Variants in SCHIP1 observed in about 807,000 individuals in gnomAD.
The protein encoded by SCHIP1 is schwannomin interacting protein 1, also known as schwannomin-interacting protein 1.
Under a neutral mutation model 29.7 loss-of-function variants are expected in SCHIP1, and 8 were observed. The observed-to-expected ratio is 0.27, with a 90% confidence interval of 0.16 to 0.49. The LOEUF (loss-of-function observed/expected upper bound fraction) is 0.49. Among genes scored for constraint, SCHIP1 ranks in the 20% least tolerant of loss-of-function variants. The pLI, the probability that SCHIP1 is intolerant of heterozygous loss-of-function variation, is 0.99. For missense variants in SCHIP1, 193 were observed against 294.6 expected, an observed-to-expected ratio of 0.66 and a Z score of 2.52; for synonymous variants, 76 against 94.9, an observed-to-expected ratio of 0.80 and a Z score of 1.16.
chr3:159,870,382 G>T (rs1029177843), intron 2 of SCHIP1, among the ~76,000 whole-genome samples: 3 of 151,896 alleles, frequency 2.0e-5, no homozygotes, highest in African/African-American at 4.8e-5. Context: ...CTCTTTATGA[G>T]ATGATGTTCC....
the SCHIP1 span, chr3:159,764,363 G>A: frequency 6.7e-7 from 1 of 1,492,720 alleles, no homozygotes; most frequent in South Asian, 1.4e-5. This position sits in a 1 kb window ranked among gnomAD's most constrained non-coding sequence, Gnocchi z 6.1. Context: ...GCGGGGCACT[G>A]AGCCGGGGCA....
chr3:159,888,953 A>C lies in SCHIP1; in HGVS notation c.589+10A>C, dbSNP rs1717218606. On this transcript the variant is annotated intron_variant, in intron 5 of 6. Coordinates refer to ENST00000445224, the Ensembl canonical transcript of SCHIP1. The stretch of plus-strand genomic sequence containing the variant: ...CATTCCCAGATAGAAAGTAAGTGTA[A>C]GATATGCTTGAAAATAGGATATTCA... 6 of 1,612,962 alleles carry C rather than the reference A, an allele frequency of 3.7e-6. No homozygotes were observed. In the East Asian group the frequency reaches 1.3e-4, roughly 36 times the overall value.
chr3:159,765,074 C>G, the SCHIP1 span: 8 of 1,568,086 alleles, frequency 5.1e-6, no homozygotes, highest in Admixed American at 1.9e-5. Context: ...AAGCATCTGG[C>G]CGGGCTGCAG....
chr3:159,459,405 T>C, the SCHIP1 span, among the ~76,000 whole-genome samples: 1 of 152,186 alleles, frequency 6.6e-6, no homozygotes, highest in African/African-American at 2.4e-5. Context: ...AATCAGCCTT[T>C]ATTCATTTGA....
At chr3:159,698,593 A>G in the SCHIP1 span, among the ~76,000 whole-genome samples, 1 of 151,874 alleles carries the variant, frequency 6.6e-6, no homozygotes, top group Non-Finnish European at 1.5e-5. Context: ...ATTTGTCTCA[A>G]CTGTAAAATG....
At chr3:159,496,818 C>T in the SCHIP1 span, among the ~76,000 whole-genome samples, 16 of 152,046 alleles carry the variant, frequency 1.1e-4, no homozygotes, top group African/African-American at 2.4e-4. Flanking sequence ...ATGTTTATTG[C>T]GGCACTATTC....
chr3:159,841,623 T>G (rs1374683163), intron 1 of SCHIP1, among the ~76,000 whole-genome samples: 2 of 152,192 alleles, frequency 1.3e-5, no homozygotes, highest in Non-Finnish European at 1.5e-5. Context: ...CATATGTCTT[T>G]TCATTAGGTT....
At chr3:159,531,470 CT>C in the SCHIP1 span, among the ~76,000 whole-genome samples, 1 of 152,194 alleles carries the variant, frequency 6.6e-6, no homozygotes, top group Non-Finnish European at 1.5e-5. Flanking sequence ...AACGCTATCT[CT>C]TTTCTCCTTT....
the SCHIP1 span, among the ~76,000 whole-genome samples, chr3:159,323,098 T>C: frequency 1.3e-5 from 2 of 152,228 alleles, no homozygotes; most frequent in African/African-American, 2.4e-5. Context: ...AAGATTGGCA[T>C]TAAAATTATT....
the SCHIP1 span, among the ~76,000 whole-genome samples, chr3:159,607,279 AC>A: frequency 1.3e-5 from 2 of 152,126 alleles, no homozygotes; most frequent in East Asian, 3.8e-4. Context: ...TTGTTTACAC[AC>A]CTTATCTTCT....
the SCHIP1 span, among the ~76,000 whole-genome samples, chr3:159,628,416 A>G: frequency 6.6e-6 from 1 of 152,226 alleles, no homozygotes; most frequent in Non-Finnish European, 1.5e-5. Context: ...CATGCCAAGA[A>G]CTAGGACCAA....
At chr3:159,728,017 A>T in the SCHIP1 span, among the ~76,000 whole-genome samples, 877 of 102,352 alleles carry the variant, frequency 8.6e-3, 10 homozygotes, top group East Asian at 0.043. Flanking sequence ...TTTTTTTTTT[A>T]AAAAGGCAAT....
At chr3:159,835,053 C>A (rs1232682896), upstream of SCHIP1, among the ~76,000 whole-genome samples, 1 of 152,070 alleles carries the variant, frequency 6.6e-6, no homozygotes, top group Non-Finnish European at 1.5e-5. Flanking sequence ...TCTTTCATTG[C>A]CCAGTAAAGA....
the SCHIP1 span, among the ~76,000 whole-genome samples, chr3:159,323,663 G>T: frequency 5.3e-5 from 8 of 152,292 alleles, no homozygotes; most frequent in South Asian, 1.7e-3. Flanking sequence ...TGGAAATAAA[G>T]ACCAACCAAA....
At chr3:159,793,118 C>T in the SCHIP1 span, among the ~76,000 whole-genome samples, 1 of 152,118 alleles carries the variant, frequency 6.6e-6, no homozygotes, top group African/African-American at 2.4e-5. Context: ...TCTTAGCCCT[C>T]GCCATGTATC....
At chr3:159,309,682 A>G in the SCHIP1 span, among the ~76,000 whole-genome samples, 1 of 152,144 alleles carries the variant, frequency 6.6e-6, no homozygotes, top group Non-Finnish European at 1.5e-5. Context: ...TAAAATTTTT[A>G]AAGATGAATT....
chr3:159,702,730 A>G, the SCHIP1 span, among the ~76,000 whole-genome samples: 1 of 152,246 alleles, frequency 6.6e-6, no homozygotes, highest in African/African-American at 2.4e-5. Flanking sequence ...TGAGTGAAGC[A>G]TTTGAAACAG....
the SCHIP1 span, among the ~76,000 whole-genome samples, chr3:159,584,261 A>T: frequency 6.6e-6 from 1 of 152,184 alleles, no homozygotes; most frequent in Non-Finnish European, 1.5e-5. Context: ...ATGAGGATAC[A>T]CTGCGGAACT....
the SCHIP1 span, among the ~76,000 whole-genome samples, chr3:159,643,721 T>C: frequency 6.6e-6 from 1 of 152,136 alleles, no homozygotes; most frequent in South Asian, 2.1e-4. Flanking sequence ...AAATGGTTGA[T>C]CATTTTCTCT....
Sources: allele counts gnomAD v4.1 joint callset (sites outside exome capture counted in the v4.1 genomes callset), GRCh38; gene constraint gnomAD v4.1.1; non-coding constraint Gnocchi (gnomAD v3.1); transcripts MANE v1.5; gene names NCBI Gene and HGNC (gene_info 2026-07-23, HGNC 2026-07-21).